The following FRMPD4 variants were observed in gnomAD, a reference collection of about 807,000 sequenced individuals.
FRMPD4 encodes the protein FERM and PDZ domain containing 4.
In FRMPD4, 22 loss-of-function variants were observed where a neutral mutation model predicts 94.1. The observed-to-expected ratio is 0.23, with a 90% CI of 0.17 to 0.33. The LOEUF is 0.33. Among genes scored for constraint, FRMPD4 ranks in the 10% least tolerant of loss-of-function variants. The pLI, the probability that FRMPD4 is intolerant of heterozygous loss-of-function variation, is 1.00. For synonymous variants in FRMPD4, 631 were observed against 548.6 expected, an observed-to-expected ratio of 1.15 and a Z score of -2.10; for missense variants, 1,111 against 1,339.9, an observed-to-expected ratio of 0.83 and a Z score of 2.67.
At chrX:11,889,262 C>G (rs1601823783) in intron 3 of FRMPD4, among the ~76,000 whole-genome samples, 1 of 112,195 alleles carries the variant, frequency 8.9e-6, no homozygotes, top group Non-Finnish European at 1.9e-5. Context: ...TCAACTTAGA[C>G]TGGGCTACAT....
chrX:11,932,024 AG>A (rs747404093), intron 3 of FRMPD4, among the ~76,000 whole-genome samples: 44 of 112,217 alleles, frequency 3.9e-4, no homozygotes, highest in Non-Finnish European at 6.8e-4. Context: ...TCTGATTAAA[AG>A]CTTAATGTCG....
At chrX:12,191,186 A>G (rs781771424) in intron 1 of FRMPD4, among the ~76,000 whole-genome samples, 55 of 112,239 alleles carry the variant, frequency 4.9e-4, no homozygotes, top group Non-Finnish European at 7.3e-4. Flanking sequence ...AATTAAAACA[A>G]CAATGAGATA....
At chrX:12,208,299 TA>T (rs1465417945) in intron 1 of FRMPD4, among the ~76,000 whole-genome samples, 1 of 107,967 alleles carries the variant, frequency 9.3e-6, no homozygotes, top group Admixed American at 9.9e-5. Flanking sequence ...CTTGTCTCCA[TA>T]AAAAAGGAAA....
At chrX:12,127,621 C>T (rs1271347839) in intron 3 of FRMPD4, among the ~76,000 whole-genome samples, 1 of 111,655 alleles carries the variant, frequency 9.0e-6, no homozygotes, top group Non-Finnish European at 1.9e-5. Context: ...ATCTCATGTC[C>T]TCACATTTCA....
intron 1 of FRMPD4, among the ~76,000 whole-genome samples, chrX:12,203,431 AT>A (rs2047478991): frequency 9.0e-6 from 1 of 111,712 alleles, no homozygotes; most frequent in Non-Finnish European, 1.9e-5. Context: ...CTACATATAT[AT>A]TAATGCCCAA....
chrX:12,112,311 G>T (rs1017057438), intron 3 of FRMPD4, among the ~76,000 whole-genome samples: 1 of 110,885 alleles, frequency 9.0e-6, no homozygotes, highest in Non-Finnish European at 1.9e-5. Context: ...GCAAACTATC[G>T]CAAGGACAGA....
chrX:12,706,744 A>T, intron 11 of FRMPD4, 82 bp from the exon 12 acceptor site: 1 of 496,880 alleles, frequency 2.0e-6, no homozygotes, highest in Non-Finnish European at 3.5e-6. Flanking sequence ...CTTCTATCTT[A>T]CACTTGTTTT....
chrX:11,997,684 T>C (rs944817876), intron 3 of FRMPD4, among the ~76,000 whole-genome samples: 3 of 111,051 alleles, frequency 2.7e-5, no homozygotes, highest in Non-Finnish European at 5.7e-5. Flanking sequence ...ATGGTCATCA[T>C]AGGAGGGCAA....
chrX:12,507,340 G>A (rs2057996050), intron 2 of FRMPD4, among the ~76,000 whole-genome samples: 2 of 112,344 alleles, frequency 1.8e-5, no homozygotes, highest in Admixed American at 9.4e-5. Flanking sequence ...GGTCTCTGTT[G>A]TGACTCAACA....
At chrX:12,578,860 G>A in intron 2 of FRMPD4, among the ~76,000 whole-genome samples, 1 of 111,947 alleles carries the variant, frequency 8.9e-6, no homozygotes, top group Non-Finnish European at 1.9e-5. Context: ...CTGTGTCTAT[G>A]TATGCATGTG....
In FRMPD4 at chrX:12,174,325, C is replaced by T. The variant is rs1435472851; in HGVS notation, c.41+35313C>T. ...TTAAAAGTGTAAAAACCATCCTTAG[C>T]TTGTGAATGGTATCAAAACAGGTGA... On this transcript the variant is annotated intron_variant, in intron 1 of 16. Transcript: ENST00000675598. 2.7e-5 allele frequency among the ~76,000 whole-genome samples: 3 copies of T among 111,915 alleles called. No homozygotes were observed. In the East Asian group the frequency reaches 8.4e-4, roughly 31 times the overall value.
intron 3 of FRMPD4, among the ~76,000 whole-genome samples, chrX:11,920,260 C>A (rs1179341144): frequency 4.5e-5 from 5 of 112,071 alleles, no homozygotes; most frequent in Non-Finnish European, 1.9e-5. Flanking sequence ...ATGATTAATT[C>A]TAACATCTTT....
At chrX:12,224,089 A>T (rs1464658452) in intron 1 of FRMPD4, among the ~76,000 whole-genome samples, 1 of 109,731 alleles carries the variant, frequency 9.1e-6, no homozygotes, top group Admixed American at 9.9e-5. Context: ...ACAACCAAAG[A>T]TGCCTCTAGA....
intron 1 of FRMPD4, among the ~76,000 whole-genome samples, chrX:12,144,720 C>T (rs1276829183): frequency 9.3e-6 from 1 of 107,950 alleles, no homozygotes; most frequent in African/African-American, 3.3e-5. Context: ...TGGACTTGGT[C>T]TCAGAGAATA....
chrX:11,935,265 A>ATTTTTTT (rs1569129069), intron 3 of FRMPD4, among the ~76,000 whole-genome samples: 3 of 2,593 alleles, frequency 1.2e-3, no homozygotes, highest in African/African-American at 3.3e-3. Flanking sequence ...TTTTTTTTTA[A>ATTTTTTT]TGTGTTTTTT....
At chrX:12,108,629 A>G (rs2055323452) in intron 3 of FRMPD4, among the ~76,000 whole-genome samples, 1 of 112,135 alleles carries the variant, frequency 8.9e-6, no homozygotes. Context: ...ACAGACTGGC[A>G]AATTGGATAA....
intron 10 of FRMPD4, 88 bp downstream of exon 10, chrX:12,702,098 T>C: frequency 1.1e-6 from 1 of 951,634 alleles, no homozygotes; most frequent in East Asian, 3.1e-5. Flanking sequence ...CCAAAATTGA[T>C]CTTGTTTGTG....
At chrX:12,339,672 A>G in intron 1 of FRMPD4, among the ~76,000 whole-genome samples, 1 of 108,093 alleles carries the variant, frequency 9.3e-6, no homozygotes, top group South Asian at 4.1e-4. Flanking sequence ...GCTGTAGTGC[A>G]GTGGTGCAAT....
chrX:12,237,962 T>C (rs2057089173), intron 1 of FRMPD4, among the ~76,000 whole-genome samples: 1 of 112,145 alleles, frequency 8.9e-6, no homozygotes, highest in Non-Finnish European at 1.9e-5. Flanking sequence ...TGACCTGTTT[T>C]TATAAATAAA....
Sources: gnomAD v4.1 joint callset for allele counts (sites outside exome capture counted in the v4.1 genomes callset) on GRCh38, gnomAD v4.1.1 for gene constraint, MANE v1.5 for transcripts, NCBI Gene and HGNC (gene_info 2026-07-23, HGNC 2026-07-21) for gene names.